Variants in DCLK1 observed in about 807,000 individuals in gnomAD.
The protein encoded by DCLK1 is doublecortin like kinase 1, also known as serine/threonine-protein kinase DCLK1.
Under a neutral mutation model 86.2 loss-of-function variants are expected in DCLK1, and 16 were observed. The observed-to-expected ratio is 0.19, with a 90% CI of 0.13 to 0.28. The LOEUF (loss-of-function observed/expected upper bound fraction) is 0.28. Ranked by LOEUF, DCLK1 falls within the 10% of genes least tolerant of loss-of-function variation. The pLI is 1.00. For synonymous variants in DCLK1, 369 were observed against 370.5 expected (o/e 1.00, Z 0.05); for missense variants, 590 against 940.2 (o/e 0.63, Z 4.87).
intron 6 of DCLK1, chr13:35,848,119 T>G: frequency 1.0e-6 from 1 of 985,332 alleles, no homozygotes; most frequent in Non-Finnish European, 1.2e-6. Context: ...CACGATGTCT[T>G]CAGAGCGCAT....
intron 4 of DCLK1, among the ~76,000 whole-genome samples, chr13:35,901,373 C>T (rs9545657): frequency 0.61 from 91,607 of 150,760 alleles, 30,295 homozygotes; most frequent in Non-Finnish European, 0.75. Flanking sequence ...GCCTGTAGTC[C>T]CAGTTACTTG....
At chr13:36,031,232 C>T (rs1204681403) in intron 3 of DCLK1, among the ~76,000 whole-genome samples, 17 of 151,058 alleles carry the variant, frequency 1.1e-4, no homozygotes, top group Non-Finnish European at 2.9e-5. Flanking sequence ...TGTGTGTGAT[C>T]AAACTGGATA....
chr13:36,046,405 C>T (rs1882916415), intron 3 of DCLK1, among the ~76,000 whole-genome samples: 1 of 152,214 alleles, frequency 6.6e-6, no homozygotes, highest in Admixed American at 6.5e-5. Context: ...TCACATATAA[C>T]ACATTCCTTA....
At chr13:35,947,171 T>G (rs1458536978) in intron 4 of DCLK1, among the ~76,000 whole-genome samples, 187 bp downstream of exon 4, 1 of 152,164 alleles carries the variant, frequency 6.6e-6, no homozygotes, top group Non-Finnish European at 1.5e-5. Flanking sequence ...CTTTTCCAAT[T>G]CTCATTTCAT....
At chr13:36,094,594 G>T (rs1884938880) in intron 3 of DCLK1, among the ~76,000 whole-genome samples, 2 of 152,264 alleles carry the variant, frequency 1.3e-5, no homozygotes, top group African/African-American at 4.8e-5. Context: ...AAGTTTCTAA[G>T]CAATAATTAT....
chr13:35,933,010 G>C (rs533385909), intron 4 of DCLK1, among the ~76,000 whole-genome samples: 4 of 152,284 alleles, frequency 2.6e-5, no homozygotes, highest in African/African-American at 9.6e-5. Context: ...AGATACAATG[G>C]GGGTACGGGC....
At chr13:35,967,418 AGATTGTTACTG>A (rs1878829407) in intron 3 of DCLK1, among the ~76,000 whole-genome samples, 1 of 152,246 alleles carries the variant, frequency 6.6e-6, no homozygotes, top group Non-Finnish European at 1.5e-5. Context: ...AAGAGAGATC[AGATTGTTACTG>A]TGTCTGTGTA....
chr13:36,085,836 C>T (rs929613560), intron 3 of DCLK1, among the ~76,000 whole-genome samples: 3 of 152,138 alleles, frequency 2.0e-5, no homozygotes, highest in East Asian at 3.9e-4. Context: ...TGAAGCTCTC[C>T]CTTCACCTAT....
intron 3 of DCLK1, among the ~76,000 whole-genome samples, chr13:36,100,196 A>C (rs1885160074): frequency 7.7e-6 from 1 of 129,074 alleles, no homozygotes; most frequent in Non-Finnish European, 1.7e-5. Context: ...AAAAAAAAAA[A>C]AAAAAAAAAA....
rs375817753 is a variant in DCLK1, at chr13:35,833,609, G to A, written c.1229+2424C>T. ...GACCACAGAAAGACATCGTTATTGT[G>A]TCCATTGTTGTAGACAAATCTTGCC... On this transcript the variant is annotated intron_variant, in intron 8 of 16. Coordinates refer to ENST00000360631, the MANE Select transcript of DCLK1 (RefSeq NM_001330071.2). 7.9e-5 allele frequency among the ~76,000 whole-genome samples: 12 copies of A among 152,286 alleles called. No individual in the cohort carries two copies. In the South Asian group the frequency reaches 2.5e-3, roughly 32 times the overall value.
At chr13:35,963,316 C>T (rs966896898) in intron 3 of DCLK1, among the ~76,000 whole-genome samples, 3 of 152,164 alleles carry the variant, frequency 2.0e-5, no homozygotes, top group Admixed American at 6.5e-5. Flanking sequence ...CCAAATGCAT[C>T]AGGAGCTTGT....
intron 2 of DCLK1, among the ~76,000 whole-genome samples, chr13:36,115,580 C>T (rs1885756494): frequency 6.6e-6 from 1 of 151,960 alleles, no homozygotes; most frequent in South Asian, 2.1e-4. Context: ...TATGATAAGT[C>T]TGATTCTTCA....
At position 35,867,966 on chromosome 13, in the gene DCLK1, A is replaced by AAAGAAAGAAAGG. The variant is rs1483381630; in HGVS notation, c.940+3257_940+3258insCCTTTCTTTCTT. On this transcript the variant is annotated intron_variant, in intron 5 of 16. Transcript: ENST00000360631. ...GAAAGAAAGAAAGAAAGAAAGAAAG[A>AAAGAAAGAAAGG]GAAAAAGAAAGACCCTAAACCCTGG... is the stretch of plus-strand genomic sequence containing the variant. Among the ~76,000 whole-genome samples, 60 of 146,706 alleles carry AAAGAAAGAAAGG rather than the reference A, an allele frequency of 4.1e-4. 1 individual carries two copies. Among genetic ancestry groups the AAAGAAAGAAAGG allele is most frequent in the African/African-American group, 1.5e-3 (57 of 38,782 alleles).
chr13:35,949,504 A>G (rs1031495727), intron 3 of DCLK1, among the ~76,000 whole-genome samples: 1 of 152,072 alleles, frequency 6.6e-6, no homozygotes, highest in Admixed American at 6.6e-5. Context: ...CAACTAATTT[A>G]CTCACTCAGA....
chr13:36,025,654 A>G (rs1410634207), intron 3 of DCLK1, among the ~76,000 whole-genome samples: 1 of 152,224 alleles, frequency 6.6e-6, no homozygotes, highest in African/African-American at 2.4e-5. Flanking sequence ...CACATATTGT[A>G]TAGGCCCATT....
intron 3 of DCLK1, among the ~76,000 whole-genome samples, chr13:36,013,362 T>A (rs1209950613): frequency 2.6e-5 from 4 of 151,666 alleles, no homozygotes; most frequent in Admixed American, 2.6e-4. Context: ...TGTGGTTTTA[T>A]CTACTTTTGG....
At chr13:35,821,904 A>C (rs9545473) in intron 11 of DCLK1, among the ~76,000 whole-genome samples, 82,185 of 151,598 alleles carry the variant, frequency 0.54, 25,901 homozygotes, top group African/African-American at 0.86. Flanking sequence ...ATGTGGAGTA[A>C]ATGAAAAGCA....
intron 15 of DCLK1, 101 bp from the exon 16 acceptor site, chr13:35,793,580 A>G (rs2086746935): frequency 1.1e-6 from 1 of 880,838 alleles, no homozygotes; most frequent in Non-Finnish European, 1.7e-6. Flanking sequence ...CTTAGAATTC[A>G]TAAGATGTCA....
intron 6 of DCLK1, among the ~76,000 whole-genome samples, chr13:35,845,385 T>C (rs1233217003): frequency 6.6e-6 from 1 of 152,228 alleles, no homozygotes; most frequent in Non-Finnish European, 1.5e-5. Context: ...ATTATCATTA[T>C]TTTAATTAAC....
Sources: allele counts gnomAD v4.1 joint callset (sites outside exome capture counted in the v4.1 genomes callset), GRCh38; gene constraint gnomAD v4.1.1; transcripts MANE v1.5; gene names NCBI Gene and HGNC (gene_info 2026-07-23, HGNC 2026-07-21).